Variants in HCN2 observed in about 807,000 individuals in gnomAD.
The protein encoded by HCN2 is hyperpolarization activated cyclic nucleotide gated potassium and sodium channel 2, also known as potassium/sodium hyperpolarization-activated cyclic nucleotide-gated channel 2.
In HCN2, 20 loss-of-function variants were observed where a neutral mutation model predicts 52.3. The ratio of observed to expected loss-of-function variants is 0.38; its 90% confidence interval spans 0.27 to 0.56. The LOEUF (loss-of-function observed/expected upper bound fraction) is 0.56. Among genes scored for constraint, HCN2 ranks in the 20% least tolerant of loss-of-function variants. The probability of loss-of-function intolerance (pLI) is 0.71; values close to 1 mark genes in which losing one functional copy is unlikely to be tolerated. For missense variants in HCN2, 981 were observed against 1,207.7 expected, an observed-to-expected ratio of 0.81 and a Z score of 2.78; for synonymous variants, 694 against 537.0, an observed-to-expected ratio of 1.29 and a Z score of -4.04.
intron 1 of HCN2, among the ~76,000 whole-genome samples, chr19:596,376 G>C (rs1983030041): frequency 6.6e-6 from 1 of 152,166 alleles, no homozygotes; most frequent in Non-Finnish European, 1.5e-5. Context: ...GGGGGTCCGA[G>C]GCTTCTTCCG....
At chr19:607,907 G>C (rs1030320926) in intron 3 of HCN2, 57 bp from the exon 4 acceptor site, 3 of 1,399,070 alleles carry the variant, frequency 2.1e-6, no homozygotes, top group East Asian at 2.4e-5. Context: ...CTTGAGGACC[G>C]AGGGCTCCTG....
At chr19:609,865 A>C (rs1356452271) in intron 4 of HCN2, among the ~76,000 whole-genome samples, 1 of 152,150 alleles carries the variant, frequency 6.6e-6, no homozygotes, top group East Asian at 1.9e-4. Flanking sequence ...GCACCACTGC[A>C]CTCCAGCGTG....
rs1983955842 is a variant in HCN2 at position 616,713 on chromosome 19, C to T, written c.*239C>T. The T allele has an allele frequency of 4.9e-6, 1 of 205,868 alleles. No homozygotes were observed. Among genetic ancestry groups the T allele is most frequent in the East Asian group, 1.1e-4 (1 of 9,046 alleles). The allele number at this position is 205,868 out of a possible 1,614,324, so 12.8% of individuals were successfully genotyped here. A position where few individuals can be genotyped will look rare whatever the true frequency, so the allele number is the denominator to read the frequency against. ...GCCCCTGCCCCCGGCGGCGGCCTCGCGTGCGAGGGGGCTCCCTTCACCTCG... is the reference window on the plus strand; with the variant it reads ...GCCCCTGCCCCCGGCGGCGGCCTCGTGTGCGAGGGGGCTCCCTTCACCTCG... On this transcript the variant is annotated 3_prime_UTR_variant, in exon 8 of 8. Transcript: ENST00000251287.
intron 7 of HCN2, among the ~76,000 whole-genome samples, chr19:615,493 G>A (rs1326068967): frequency 1.3e-5 from 2 of 152,172 alleles, no homozygotes; most frequent in Admixed American, 6.5e-5. Context: ...CAGCCCGGGC[G>A]ACAGAGCAAG....
At chr19:610,069 C>A (rs976556234) in intron 4 of HCN2, among the ~76,000 whole-genome samples, 190 bp from the exon 5 acceptor site, 1 of 150,038 alleles carries the variant, frequency 6.7e-6, no homozygotes, top group Non-Finnish European at 1.5e-5. Flanking sequence ...ACAGTACAAG[C>A]AGGTGTGAAG....
At chr19:605,485 A>G (rs1185160650) in intron 3 of HCN2, among the ~76,000 whole-genome samples, 1 of 34,194 alleles carries the variant, frequency 2.9e-5, no homozygotes, top group Non-Finnish European at 4.7e-5. Flanking sequence ...GCCCTTACAG[A>G]GGTGGGGACC....
At chr19:604,944 C>T in intron 2 of HCN2, 117 bp from the exon 3 acceptor site, 2 of 1,075,106 alleles carry the variant, frequency 1.9e-6, no homozygotes, top group East Asian at 2.8e-5. Flanking sequence ...CTGTGCGGGG[C>T]CTTGGATTTG....
At chr19:603,461 C>A (rs1983286965) in intron 1 of HCN2, 83 bp from the exon 2 acceptor site, 1 of 1,135,120 alleles carries the variant, frequency 8.8e-7, no homozygotes, top group Non-Finnish European at 1.3e-6. Context: ...CGCCCCTCGT[C>A]CCCCAAGGAA....
At chr19:603,988 G>A (rs1348653054) in intron 2 of HCN2, 21 bp downstream of exon 2, 5 of 1,556,046 alleles carry the variant, frequency 3.2e-6, no homozygotes, top group Non-Finnish European at 4.4e-6. Context: ...GCGGGGGCGG[G>A]GCCAAGGCAG....
Position 616,050 on chromosome 19 carries a change from C to A in HCN2, c.2246C>A (p.Pro749Gln). 8.2e-7 allele frequency: 1 copy of A among 1,212,388 alleles called. No homozygotes were observed. The highest frequency in any genetic ancestry group is 1.0e-6 in the Non-Finnish European group (1 of 977,946). 75.1% of individuals were successfully genotyped at this position (1,212,388 alleles called of 1,614,324 possible). ...CAGGTGGCGCGGCCGCTCGTGGGGC[C>A]GCTGGCGCTCGGCTCGCCGCGCCTC... ...CPQVARPLVG[P>Q]LALGSPRLVR... is the part of the protein sequence containing the mutation. The change falls in exon 8 of 8, where the codon CCG becomes CAG. Residue 749 changes from proline (P) to glutamine (Q), a missense_variant. Coordinates refer to ENST00000251287, the MANE Select transcript of HCN2 (RefSeq NM_001194.4).
intron 5 of HCN2, among the ~76,000 whole-genome samples, chr19:610,923 G>GAGGT (rs1983607439): frequency 4.6e-5 from 7 of 152,298 alleles, no homozygotes; most frequent in Middle Eastern, 3.4e-3. Context: ...TACCCCCCCG[G>GAGGT]AGCCCCTGGG....
chr19:596,621 G>A (rs890601658), intron 1 of HCN2, among the ~76,000 whole-genome samples: 1 of 152,216 alleles, frequency 6.6e-6, no homozygotes, highest in Non-Finnish European at 1.5e-5. Context: ...GCTGAGGGGG[G>A]CCTGTCCCTG....
In HCN2 at chr19:613,870, G is replaced by A. The variant is rs1378560227; in HGVS notation, c.1844G>A (p.Arg615Gln). The A allele has an allele frequency of 1.9e-6, 3 of 1,587,224 alleles. No homozygotes were observed. The highest frequency in any genetic ancestry group is 1.1e-5 in the South Asian group (1 of 88,848). Residue 615 changes from arginine to glutamine, a missense_variant, in exon 7 of 8, where the codon CGG (arginine) becomes CAG (glutamine). Arg to Gln is a conservative substitution (Grantham distance 43, BLOSUM62 1). Around this residue, in one of 6 missense-constraint regions of HCN2, gnomAD observed 85 missense variants for 106.1 expected, o/e 0.80. Coordinates refer to ENST00000251287, the MANE Select transcript of HCN2 (RefSeq NM_001194.4). ...SYFGEICLLTRGRRTASVRAD... is the reference protein window; with the variant it reads ...SYFGEICLLTQGRRTASVRAD... ...CGTGCAGAGATCTGCCTGCTCACCC[G>A]GGGCCGCCGCACGGCGAGCGTGCGG...
At position 613,394 on chromosome 19, in the gene HCN2, C is replaced by A; in HGVS notation, c.1731C>A (p.Ile577=). 1.2e-6 allele frequency: 2 copies of A among 1,612,646 alleles called. No homozygotes were observed. The highest frequency in any genetic ancestry group is 1.7e-6 in the Non-Finnish European group (2 of 1,179,778). Residue 577 remains isoleucine (I), a synonymous_variant, in exon 6 of 8, where the codon ATC becomes ATA. Transcript: ENST00000251287. ...PGDYIIREGT[I]GKKMYFIQHG... ...ACTACATCATCCGCGAAGGCACCAT[C>A]GGGAAGAAGATGTACTTCATCCAGC... is the stretch of plus-strand genomic sequence containing the variant.
intron 3 of HCN2, 45 bp from the exon 4 acceptor site, chr19:607,919 G>T: frequency 7.3e-6 from 11 of 1,501,244 alleles, no homozygotes; most frequent in Non-Finnish European, 1.0e-5. Flanking sequence ...GGGCTCCTGG[G>T]GCGTGAGCAC....
intron 6 of HCN2, among the ~76,000 whole-genome samples, 160 bp from the exon 7 acceptor site, chr19:613,692 C>CATGGGGATGGGGAT (rs1568368862): frequency 5.2e-5 from 1 of 19,348 alleles, no homozygotes; most frequent in Non-Finnish European, 9.1e-5. Context: ...GGGATGGGGC[C>CATGGGGATGGGGAT]GGGGATGGGG....
At position 617,155 on chromosome 19, in the gene HCN2, G is replaced by A. The variant is rs999454440; in HGVS notation, c.*681G>A. On this transcript the variant is annotated 3_prime_UTR_variant, in exon 8 of 8. Coordinates refer to ENST00000251287, the MANE Select transcript of HCN2 (RefSeq NM_001194.4). The stretch of plus-strand genomic sequence containing the variant: ...CCGCGCAATAAACGACAGCATTGGC[G>A]CCAAGCCTGGCCGCGTGTGATTGCC... 1.4e-5 allele frequency: 15 copies of A among 1,098,306 alleles called. No individual in the cohort carries two copies. Among genetic ancestry groups the A allele is most frequent in the Non-Finnish European group, 1.9e-5 (14 of 739,576 alleles). The allele number at this position is 1,098,306 out of a possible 1,614,324, so 68.0% of individuals were successfully genotyped here.
At chr19:604,071 G>A in intron 2 of HCN2, 104 bp downstream of exon 2, 1 of 914,360 alleles carries the variant, frequency 1.1e-6, no homozygotes, top group East Asian at 2.7e-5. Context: ...TGCATGGGTG[G>A]GGCCAAGGCA....
chr19:611,732 C>G (rs867590495), intron 5 of HCN2, among the ~76,000 whole-genome samples: 3 of 152,200 alleles, frequency 2.0e-5, no homozygotes, highest in African/African-American at 7.2e-5. Context: ...AGAACATTCT[C>G]ATGGGCCCAA....
Sources: gnomAD v4.1 joint callset for allele counts (sites outside exome capture counted in the v4.1 genomes callset) on GRCh38, gnomAD v4.1.1 for gene constraint, gnomAD v4.1.1 regional missense constraint, MANE v1.5 for transcripts, NCBI Gene and HGNC (gene_info 2026-07-23, HGNC 2026-07-21) for gene names.